The following TAFA2 variants were observed in gnomAD, a reference collection of about 807,000 sequenced individuals.
The protein encoded by TAFA2 is chemokine-like protein TAFA-2.
A neutral mutation model predicts 18.8 loss-of-function variants in TAFA2; 7 were observed. The ratio of observed to expected loss-of-function variants is 0.37; its 90% CI spans 0.21 to 0.70. TAFA2 has a LOEUF of 0.70. TAFA2 is among the 30% of genes least tolerant of loss of function. The pLI is 0.53. For synonymous variants in TAFA2, 60 were observed against 54.2 expected, an observed-to-expected ratio of 1.11 and a Z score of -0.47; for missense variants, 122 against 158.1, an observed-to-expected ratio of 0.77 and a Z score of 1.23.
chr12:62,012,834 T>TA (rs1000907536), intron 1 of TAFA2, among the ~76,000 whole-genome samples: 8 of 152,156 alleles, frequency 5.3e-5, no homozygotes, highest in Non-Finnish European at 8.8e-5. Context: ...TTGCAAGGTT[T>TA]AAAAAATCAC....
chr12:61,838,466 G>A (rs1592424545), intron 2 of TAFA2, among the ~76,000 whole-genome samples: 1 of 151,972 alleles, frequency 6.6e-6, no homozygotes, highest in East Asian at 1.9e-4. Context: ...TGTATGTCAA[G>A]GCTAAAAGCA....
chr12:61,876,731 T>C (rs1337107787), intron 1 of TAFA2, among the ~76,000 whole-genome samples: 3 of 151,822 alleles, frequency 2.0e-5, no homozygotes, highest in Non-Finnish European at 2.9e-5. Context: ...AGTAGTTATG[T>C]GTCAAAAAGA....
At chr12:61,868,551 G>A (rs1317412977) in intron 1 of TAFA2, among the ~76,000 whole-genome samples, 1 of 151,884 alleles carries the variant, frequency 6.6e-6, no homozygotes, top group Non-Finnish European at 1.5e-5. Flanking sequence ...TTTTCCTCTT[G>A]TATTTTCTAG....
intron 1 of TAFA2, among the ~76,000 whole-genome samples, chr12:62,045,205 T>C (rs1047925229): frequency 6.6e-6 from 1 of 152,154 alleles, no homozygotes; most frequent in African/African-American, 2.4e-5. Context: ...ACAATTAAAT[T>C]GATTTCATTC....
intron 2 of TAFA2, among the ~76,000 whole-genome samples, chr12:61,767,782 A>AT (rs545923692): frequency 4.3e-4 from 64 of 148,906 alleles, no homozygotes; most frequent in Non-Finnish European, 7.5e-4. Flanking sequence ...GATGAAGCTC[A>AT]TTTTTTTTTT....
At position 62,157,925 on chromosome 12, in the gene TAFA2, T is replaced by C. The variant is rs185338305; in HGVS notation, c.-2+33334A>G. Among the ~76,000 whole-genome samples, 218 of 152,322 alleles carry C rather than the reference T, an allele frequency of 1.4e-3. 3 individuals carry two copies. The highest frequency in any genetic ancestry group is 1.2e-3 in the Non-Finnish European group (82 of 68,034). On this transcript the variant is annotated intron_variant, in intron 1 of 4. Transcript: ENST00000416284. ...GTTTAGAGCTCTATCTCCAAATACATAGAACTGGGTTCATCACAAAGTGCA... is the reference window on the plus strand; with the variant it reads ...GTTTAGAGCTCTATCTCCAAATACACAGAACTGGGTTCATCACAAAGTGCA...
At chr12:62,073,444 T>C (rs1000474098) in intron 1 of TAFA2, among the ~76,000 whole-genome samples, 1 of 151,046 alleles carries the variant, frequency 6.6e-6, no homozygotes, top group Non-Finnish European at 1.5e-5. Flanking sequence ...CTATATATTA[T>C]AGATAAGAAA....
At chr12:62,215,707 C>G (rs1353978511) in intron 1 of TAFA2, among the ~76,000 whole-genome samples, 8 of 121,484 alleles carry the variant, frequency 6.6e-5, no homozygotes, top group Non-Finnish European at 1.4e-4. Flanking sequence ...TTAAGAGAAA[C>G]AACTTGTTTC....
At chr12:62,246,175 A>T (rs2062885262) in intron 1 of TAFA2, among the ~76,000 whole-genome samples, 1 of 151,982 alleles carries the variant, frequency 6.6e-6, no homozygotes, top group Non-Finnish European at 1.5e-5. Flanking sequence ...TTTAGTAGAG[A>T]CGGGGTTTCA....
chr12:62,146,482 A>G (rs538458539), intron 1 of TAFA2, among the ~76,000 whole-genome samples: 1 of 151,778 alleles, frequency 6.6e-6, no homozygotes, highest in Non-Finnish European at 1.5e-5. Flanking sequence ...CTGTTTCATC[A>G]TGTTGCCTAG....
At chr12:62,188,182 T>C (rs1011542992) in intron 1 of TAFA2, among the ~76,000 whole-genome samples, 3 of 152,172 alleles carry the variant, frequency 2.0e-5, no homozygotes, top group African/African-American at 7.2e-5. Flanking sequence ...ATGTCAGGCA[T>C]AGATCAAAGG....
intron 1 of TAFA2, among the ~76,000 whole-genome samples, chr12:62,116,231 G>A (rs889032271): frequency 1.3e-5 from 2 of 152,146 alleles, no homozygotes; most frequent in Non-Finnish European, 2.9e-5. Context: ...AGCATACACT[G>A]AGATGCACGA....
At chr12:61,810,361 C>T (rs938582330) in intron 2 of TAFA2, among the ~76,000 whole-genome samples, 7 of 150,206 alleles carry the variant, frequency 4.7e-5, no homozygotes, top group African/African-American at 1.5e-4. Context: ...TAGATCATGA[C>T]TCTTGTGTTT....
chr12:62,225,278 T>C (rs2062781301), intron 1 of TAFA2, among the ~76,000 whole-genome samples: 1 of 152,154 alleles, frequency 6.6e-6, no homozygotes, highest in Admixed American at 6.5e-5. Flanking sequence ...AATGACTACT[T>C]TAGCAAATGG....
chr12:61,784,551 G>A (rs1283762675), intron 2 of TAFA2, among the ~76,000 whole-genome samples: 1 of 151,480 alleles, frequency 6.6e-6, no homozygotes, highest in Non-Finnish European at 1.5e-5. Context: ...ATTTCTCACA[G>A]TCCAGTAAAA....
chr12:61,845,881 T>A (rs1287381615), intron 2 of TAFA2, among the ~76,000 whole-genome samples: 1 of 152,126 alleles, frequency 6.6e-6, no homozygotes, highest in Non-Finnish European at 1.5e-5. Context: ...GTCCAAAATA[T>A]TCCTGATAGA....
At chr12:61,841,639 T>C (rs1873185677) in intron 2 of TAFA2, among the ~76,000 whole-genome samples, 1 of 152,092 alleles carries the variant, frequency 6.6e-6, no homozygotes, top group African/African-American at 2.4e-5. Context: ...ACTTTTGTGT[T>C]TTCATACAAA....
intron 2 of TAFA2, among the ~76,000 whole-genome samples, chr12:61,863,299 C>A (rs1304205674): frequency 6.6e-6 from 1 of 152,160 alleles, no homozygotes. Flanking sequence ...AGCCGCTGTG[C>A]ACTAGAGGCA....
At chr12:62,051,676 A>G (rs1049646980) in intron 1 of TAFA2, among the ~76,000 whole-genome samples, 1 of 151,796 alleles carries the variant, frequency 6.6e-6, no homozygotes, top group Non-Finnish European at 1.5e-5. Flanking sequence ...GAGAGGCGAC[A>G]GGAACTATGC....
Sources: allele counts gnomAD v4.1 joint callset (sites outside exome capture counted in the v4.1 genomes callset), GRCh38; gene constraint gnomAD v4.1.1; transcripts MANE v1.5; gene names NCBI Gene and HGNC (gene_info 2026-07-23, HGNC 2026-07-21).